The following PDE11A variants were observed in gnomAD, a reference collection of about 807,000 sequenced individuals.
The protein encoded by PDE11A is dual 3',5'-cyclic-AMP and -GMP phosphodiesterase 11A.
PDE11A carries 100 observed loss-of-function variants against 100.5 expected under a neutral mutation model. The observed-to-expected ratio is 1.00, with a 90% CI of 0.85 to 1.18. The LOEUF (loss-of-function observed/expected upper bound fraction) is 1.18. PDE11A is among the 50% of genes most tolerant of loss of function. The probability of loss-of-function intolerance (pLI) is 0.00; values close to 1 mark genes in which losing one functional copy is unlikely to be tolerated. For missense variants in PDE11A, 1,141 were observed against 1,152.6 expected, an observed-to-expected ratio of 0.99 and a Z score of 0.15; for synonymous variants, 381 against 420.8, an observed-to-expected ratio of 0.91 and a Z score of 1.16.
At chr2:177,915,596 A>T (rs139302692) in intron 2 of PDE11A, among the ~76,000 whole-genome samples, 1 of 152,306 alleles carries the variant, frequency 6.6e-6, no homozygotes, top group Admixed American at 6.5e-5. Flanking sequence ...CCATTCACCT[A>T]TTGAAGAGCA....
intron 2 of PDE11A, chr2:177,926,957 TCTC>T (rs1384689366): frequency 1.3e-5 from 2 of 152,156 alleles, no homozygotes; most frequent in African/African-American, 4.8e-5. Flanking sequence ...CCTGCTGAGA[TCTC>T]CTCTTCTCTC....
chr2:177,997,575 C>T (rs1453145548), intron 2 of PDE11A: 2 of 895,502 alleles, frequency 2.2e-6, no homozygotes, highest in Admixed American at 3.4e-5. Flanking sequence ...CTGTTCTCAC[C>T]TGTTTCACCT....
chr2:177,747,265 C>A lies in PDE11A; in HGVS notation c.1789-19093G>T, dbSNP rs537973915. On this transcript the variant is annotated intron_variant, in intron 10 of 19. Transcript: ENST00000286063. ...CTGCTTCATTGCTCCTGAAATACAG[C>A]CAGCGTTCCCTCGACTGTGCCTTGT... is the stretch of plus-strand genomic sequence containing the variant. 2.0e-5 allele frequency among the ~76,000 whole-genome samples: 3 copies of A among 152,326 alleles called. No homozygotes were observed. The South Asian group carries it at 6.2e-4, about 32-fold the overall frequency.
intron 9 of PDE11A, among the ~76,000 whole-genome samples, chr2:177,802,562 T>C (rs1022513708): frequency 1.3e-5 from 2 of 152,126 alleles, no homozygotes; most frequent in African/African-American, 2.4e-5. Flanking sequence ...ACAAACTTCA[T>C]ATGCATTATG....
chr2:177,640,211 A>C (rs907340359), intron 19 of PDE11A, among the ~76,000 whole-genome samples: 1 of 152,248 alleles, frequency 6.6e-6, no homozygotes, highest in South Asian at 2.1e-4. Flanking sequence ...TTTTAAAACT[A>C]TAAAGTTAGA....
At chr2:178,105,641 G>T in intron 1 of PDE11A, 2 of 535,374 alleles carry the variant, frequency 3.7e-6, no homozygotes, top group Non-Finnish European at 6.0e-6. Context: ...CTTTATCGAT[G>T]TCTCAGGAGG....
intron 2 of PDE11A, among the ~76,000 whole-genome samples, chr2:177,991,299 C>A (rs1167482047): frequency 2.0e-5 from 3 of 149,900 alleles, no homozygotes; most frequent in Admixed American, 6.7e-5. Context: ...CCACTGTACT[C>A]CAGCCTGGGC....
chr2:177,710,450 G>A (rs1342830635), intron 13 of PDE11A, among the ~76,000 whole-genome samples: 1 of 152,164 alleles, frequency 6.6e-6, no homozygotes, highest in African/African-American at 2.4e-5. Context: ...GGGCTGGCTA[G>A]GGACACAGAA....
intron 4 of PDE11A, among the ~76,000 whole-genome samples, chr2:177,882,636 C>G (rs2084362351): frequency 6.6e-6 from 1 of 152,108 alleles, no homozygotes; most frequent in Non-Finnish European, 1.5e-5. Flanking sequence ...CACAAAACAA[C>G]TGGTTTCAAG....
chr2:177,782,372 G>A (rs2082466345), intron 9 of PDE11A, among the ~76,000 whole-genome samples: 1 of 152,126 alleles, frequency 6.6e-6, no homozygotes, highest in African/African-American at 2.4e-5. Flanking sequence ...TGGTTAAAAA[G>A]CAATAAATAA....
chr2:177,781,534 ACT>A (rs1293607398), intron 9 of PDE11A, among the ~76,000 whole-genome samples: 54 of 149,496 alleles, frequency 3.6e-4, no homozygotes, highest in Non-Finnish European at 2.7e-4. Flanking sequence ...TCTGTCTGTC[ACT>A]CTGTTCCCCA....
At chr2:177,746,602 G>C (rs546567445) in intron 10 of PDE11A, among the ~76,000 whole-genome samples, 19 of 152,248 alleles carry the variant, frequency 1.2e-4, no homozygotes, top group African/African-American at 4.1e-4. Flanking sequence ...GAATCAGTCT[G>C]GTATTTTATC....
chr2:177,920,989 G>A (rs1279746323), intron 2 of PDE11A, among the ~76,000 whole-genome samples: 2 of 151,356 alleles, frequency 1.3e-5, no homozygotes, highest in Non-Finnish European at 2.9e-5. Flanking sequence ...GTGAACCCGG[G>A]AGGCAGAGCT....
chr2:178,043,656 T>A (rs2086710307), intron 1 of PDE11A, among the ~76,000 whole-genome samples: 1 of 152,192 alleles, frequency 6.6e-6, no homozygotes, highest in South Asian at 2.1e-4. Context: ...ATGATGGCTA[T>A]CATTTACCAG....
At chr2:178,071,420 T>C (rs1574382843) in intron 1 of PDE11A, 106 bp downstream of exon 1, 1 of 1,414,702 alleles carries the variant, frequency 7.1e-7, no homozygotes, top group East Asian at 2.3e-5. Flanking sequence ...AAAATTTGTA[T>C]TGTAAAGAGC....
chr2:177,886,043 A>G (rs1378863189), intron 4 of PDE11A, among the ~76,000 whole-genome samples: 1 of 152,200 alleles, frequency 6.6e-6, no homozygotes, highest in Non-Finnish European at 1.5e-5. Context: ...AGGACATAAG[A>G]TTAAAATGTC....
chr2:177,631,540 T>C (rs1365357915), intron 19 of PDE11A, among the ~76,000 whole-genome samples: 4 of 21,178 alleles, frequency 1.9e-4, no homozygotes, highest in African/African-American at 4.6e-4. Context: ...TATATATATA[T>C]ATATATACAC....
chr2:177,690,318 T>C (rs560511843), intron 15 of PDE11A, among the ~76,000 whole-genome samples: 2 of 152,324 alleles, frequency 1.3e-5, no homozygotes, highest in East Asian at 1.9e-4. Flanking sequence ...TTAAGTTTTG[T>C]CAGTCATTAA....
At chr2:177,811,187 AG>A (rs1230121189) in intron 9 of PDE11A, among the ~76,000 whole-genome samples, 7 of 152,152 alleles carry the variant, frequency 4.6e-5, no homozygotes, top group Admixed American at 3.9e-4. Context: ...TTTTAGAAAA[AG>A]GTTCCTCCTT....
Sources: gnomAD v4.1 joint callset for allele counts (sites outside exome capture counted in the v4.1 genomes callset) on GRCh38, gnomAD v4.1.1 for gene constraint, MANE v1.5 for transcripts, NCBI Gene and HGNC (gene_info 2026-07-23, HGNC 2026-07-21) for gene names.